Variants in LPP observed in about 807,000 individuals in gnomAD.
The protein encoded by LPP is LIM domain containing preferred translocation partner in lipoma, also known as lipoma-preferred partner.
LPP carries 38 observed loss-of-function variants against 60.4 expected under a neutral mutation model. The ratio of observed to expected loss-of-function variants is 0.63; its 90% CI spans 0.49 to 0.83. LPP has a LOEUF of 0.83. LPP is among the 40% of genes least tolerant of loss of function. The pLI is 0.00. For missense variants in LPP, 902 were observed against 783.6 expected (o/e 1.15, Z -1.80); for synonymous variants, 328 against 290.8 (o/e 1.13, Z -1.30).
intron 2 of LPP, among the ~76,000 whole-genome samples, chr3:188,330,819 A>G (rs1373580995): frequency 6.7e-6 from 1 of 149,582 alleles, no homozygotes; most frequent in Admixed American, 6.8e-5. Context: ...CTGCCTCAGA[A>G]TAAGTCAGTC....
intron 5 of LPP, among the ~76,000 whole-genome samples, chr3:188,512,268 A>C (rs1815918113): frequency 6.6e-6 from 1 of 152,192 alleles, no homozygotes. Context: ...TGTTTGAAGA[A>C]AATTCTCGGC....
chr3:188,746,680 C>T (rs1726328682), intron 8 of LPP: 10 of 370,314 alleles, frequency 2.7e-5, no homozygotes, highest in South Asian at 2.2e-4. Context: ...TCTGGGAGCT[C>T]CCTATAAGCC....
At chr3:188,534,978 T>C (rs567997022) in intron 6 of LPP, among the ~76,000 whole-genome samples, 6 of 152,352 alleles carry the variant, frequency 3.9e-5, no homozygotes, top group Non-Finnish European at 8.8e-5. Flanking sequence ...GACAAAACTA[T>C]AGTTTATGTT....
intron 8 of LPP, among the ~76,000 whole-genome samples, chr3:188,755,249 A>G (rs1245171347): frequency 6.6e-6 from 1 of 152,200 alleles, no homozygotes; most frequent in Non-Finnish European, 1.5e-5. Context: ...CTGGCTTTAC[A>G]TCTGCACATA....
At chr3:188,446,103 A>T (rs1795170702) in intron 4 of LPP, among the ~76,000 whole-genome samples, 1 of 152,204 alleles carries the variant, frequency 6.6e-6, no homozygotes, top group South Asian at 2.1e-4. Flanking sequence ...TTCTATGCAT[A>T]ATAATTTCAG....
rs572546381 is a variant in LPP, at chr3:188,737,313, T to C, written c.1241-22800T>C. Among the ~76,000 whole-genome samples the C allele has an allele frequency of 3.3e-5, 5 of 152,342 alleles. No individual in the cohort carries two copies. In the East Asian group the frequency reaches 9.7e-4, roughly 29 times the overall value. On this transcript the variant is annotated intron_variant, in intron 8 of 11. Coordinates refer to ENST00000617246, the MANE Select transcript of LPP (RefSeq NM_001375462.1). ...GCAATGTGGATACTAACACTGGCTC[T>C]GTCACAAAGAAACAAGGAGACTTAT... is the stretch of plus-strand genomic sequence containing the variant.
chr3:188,546,969 A>C (rs1029692325), intron 6 of LPP, among the ~76,000 whole-genome samples: 3 of 152,224 alleles, frequency 2.0e-5, no homozygotes, highest in African/African-American at 7.2e-5. Context: ...AGGGACTTCT[A>C]CTGTAAGAAA....
chr3:188,396,096 C>G (rs1780883616), intron 3 of LPP, among the ~76,000 whole-genome samples: 1 of 152,086 alleles, frequency 6.6e-6, no homozygotes, highest in African/African-American at 2.4e-5. Context: ...CTCTAACTCC[C>G]CATCTTGTTG....
intron 1 of LPP, among the ~76,000 whole-genome samples, chr3:188,171,194 C>G (rs553669705): frequency 3.9e-5 from 6 of 152,328 alleles, no homozygotes; most frequent in African/African-American, 9.6e-5. Context: ...TAAGTCAACA[C>G]AAGCTGCAGT....
chr3:188,667,024 A>G (rs1054983337), intron 7 of LPP, among the ~76,000 whole-genome samples: 1 of 152,180 alleles, frequency 6.6e-6, no homozygotes, highest in Non-Finnish European at 1.5e-5. Context: ...TAAGATTTTG[A>G]GGTTGCTGTA....
At chr3:188,577,779 T>TCCTTCCTTCCTG (rs1371130870) in intron 6 of LPP, among the ~76,000 whole-genome samples, 1 of 143,886 alleles carries the variant, frequency 6.9e-6, no homozygotes, top group Non-Finnish European at 1.5e-5. Flanking sequence ...CTTCCTTCCT[T>TCCTTCCTTCCTG]CTGTCCTTCC....
chr3:188,541,055 C>A (rs929603241), intron 6 of LPP, among the ~76,000 whole-genome samples: 1 of 152,190 alleles, frequency 6.6e-6, no homozygotes, highest in African/African-American at 2.4e-5. Flanking sequence ...GATAAGTGAA[C>A]AACCTTCACT....
At chr3:188,409,469 T>C (rs1233479466) in intron 4 of LPP, among the ~76,000 whole-genome samples, 1 of 152,266 alleles carries the variant, frequency 6.6e-6, no homozygotes, top group Non-Finnish European at 1.5e-5. Flanking sequence ...TTAATTTAAA[T>C]GTTATCAGTG....
intron 2 of LPP, among the ~76,000 whole-genome samples, chr3:188,272,996 A>G (rs141322118): frequency 8.5e-5 from 13 of 152,322 alleles, no homozygotes; most frequent in African/African-American, 2.6e-4. Flanking sequence ...GCGATGCTGA[A>G]ATACAGTGAA....
chr3:188,363,377 C>G (rs1403109462), intron 3 of LPP, among the ~76,000 whole-genome samples: 1 of 152,208 alleles, frequency 6.6e-6, no homozygotes, highest in South Asian at 2.1e-4. Context: ...TGTTCAGCCT[C>G]ACTGCTCTCA....
intron 1 of LPP, among the ~76,000 whole-genome samples, chr3:188,216,273 CTTTTTTT>C (rs1315000809): frequency 5.3e-5 from 7 of 131,172 alleles, no homozygotes; most frequent in Non-Finnish European, 8.1e-5. Flanking sequence ...CTTCTTCTTC[CTTTTTTT>C]TTTTTTTTTT....
At chr3:188,561,757 A>T (rs1830744205) in intron 6 of LPP, among the ~76,000 whole-genome samples, 1 of 152,052 alleles carries the variant, frequency 6.6e-6, no homozygotes, top group Non-Finnish European at 1.5e-5. Flanking sequence ...AATACTCATT[A>T]CATATAAGGA....
At chr3:188,380,314 A>G (rs1180932530) in intron 3 of LPP, among the ~76,000 whole-genome samples, 8 of 152,400 alleles carry the variant, frequency 5.2e-5, no homozygotes, top group East Asian at 1.9e-4. Flanking sequence ...GGCACTTGCC[A>G]TGAGGCAGCA....
chr3:188,207,085 C>G (rs1001196709), intron 1 of LPP, among the ~76,000 whole-genome samples: 2 of 152,090 alleles, frequency 1.3e-5, no homozygotes, highest in African/African-American at 2.4e-5. Flanking sequence ...ATTTTTCACT[C>G]TGCTTTTAGA....
Sources: gnomAD v4.1 joint callset for allele counts (sites outside exome capture counted in the v4.1 genomes callset) on GRCh38, gnomAD v4.1.1 for gene constraint, MANE v1.5 for transcripts, NCBI Gene and HGNC (gene_info 2026-07-23, HGNC 2026-07-21) for gene names.